Variants in TLN2 observed in about 807,000 individuals in gnomAD.
TLN2 encodes the protein talin-2.
In TLN2, 118 loss-of-function variants were observed where a neutral mutation model predicts 294.7. The ratio of observed to expected loss-of-function variants is 0.40; its 90% CI spans 0.34 to 0.47. The LOEUF is 0.47. Ranked by LOEUF, TLN2 falls within the 20% of genes least tolerant of loss-of-function variation. TLN2 has a pLI of 0.84. For missense variants in TLN2, 3,083 were observed against 3,282.2 expected, an observed-to-expected ratio of 0.94 and a Z score of 1.48; for synonymous variants, 1,431 against 1,304.5, an observed-to-expected ratio of 1.10 and a Z score of -2.09.
intron 9 of TLN2, among the ~76,000 whole-genome samples, chr15:62,667,105 A>G (rs1326318222): frequency 6.6e-6 from 1 of 152,112 alleles, no homozygotes; most frequent in East Asian, 1.9e-4. Context: ...AGCTGGGACT[A>G]CAGGCGCCCA....
intron 24 of TLN2, among the ~76,000 whole-genome samples, 161 bp downstream of exon 24, chr15:62,717,850 C>T (rs1267462131): frequency 6.6e-6 from 1 of 152,176 alleles, no homozygotes; most frequent in Non-Finnish European, 1.5e-5. Context: ...TGGTTTTTGT[C>T]CATTAAGTGG....
chr15:62,835,558 C>G (rs1356267716), intron 55 of TLN2, 179 bp from the exon 56 acceptor site: 7 of 658,670 alleles, frequency 1.1e-5, no homozygotes, highest in Non-Finnish European at 1.9e-5. Context: ...GCTGTGCAAT[C>G]TTTCTTGGCA....
intron 58 of TLN2, 119 bp from the exon 59 acceptor site, chr15:62,840,363 C>A: frequency 7.1e-7 from 1 of 1,413,556 alleles, no homozygotes; most frequent in Non-Finnish European, 9.6e-7. Flanking sequence ...GAAAGCTGTT[C>A]CGGATGTGCT....
chr15:62,480,007 G>A (rs1417873169), intron 1 of TLN2, among the ~76,000 whole-genome samples: 2 of 152,204 alleles, frequency 1.3e-5, no homozygotes, highest in Non-Finnish European at 2.9e-5. Flanking sequence ...GTGATGGTGG[G>A]CCAGTTGGTC....
chr15:62,778,036 T>A (rs1259596510), intron 43 of TLN2, among the ~76,000 whole-genome samples: 1 of 152,212 alleles, frequency 6.6e-6, no homozygotes, highest in Non-Finnish European at 1.5e-5. Context: ...TTAATAAGGT[T>A]TTTCAGGATA....
At chr15:62,572,000 G>C (rs1025180535) in intron 1 of TLN2, among the ~76,000 whole-genome samples, 6 of 152,184 alleles carry the variant, frequency 3.9e-5, no homozygotes, top group Non-Finnish European at 7.4e-5. Context: ...TTGTGCCTTT[G>C]TGTCTGATGT....
chr15:62,617,151 G>A (rs1047427387), intron 2 of TLN2, among the ~76,000 whole-genome samples: 1 of 152,130 alleles, frequency 6.6e-6, no homozygotes, highest in African/African-American at 2.4e-5. Flanking sequence ...GGCATTCTCA[G>A]GAGTGGGGTC....
chr15:62,621,117 G>A (rs544946795), intron 3 of TLN2, among the ~76,000 whole-genome samples: 40 of 152,142 alleles, frequency 2.6e-4, no homozygotes, highest in Non-Finnish European at 5.0e-4. Context: ...GGGATTACAG[G>A]TGTGAGCCAC....
rs535357670 is a variant in TLN2, at chr15:62,503,391, T to C, written c.-237-86296T>C. 1.5e-4 allele frequency among the ~76,000 whole-genome samples: 23 copies of C among 152,298 alleles called. 1 individual carries two copies. Among genetic ancestry groups the C allele is most frequent in the African/African-American group, 5.5e-4 (23 of 41,564 alleles). Reference sequence around the variant, plus strand: ...TGTGTGCTGTGTAATTATTCTACCCTGAGCTCGAATCCTCCACTTCAACTT... The same window carrying C: ...TGTGTGCTGTGTAATTATTCTACCCCGAGCTCGAATCCTCCACTTCAACTT... On this transcript the variant is annotated intron_variant, in intron 1 of 58. Transcript: ENST00000636159.
chr15:62,711,853 G>A, intron 21 of TLN2, 58 bp from the exon 22 acceptor site: 2 of 1,544,300 alleles, frequency 1.3e-6, no homozygotes, highest in East Asian at 2.3e-5. Context: ...GGCTCCTGAG[G>A]TTTTACTGAC....
intron 3 of TLN2, chr15:62,645,152 AT>A (rs1197527292): frequency 6.5e-6 from 1 of 153,414 alleles, no homozygotes; most frequent in Non-Finnish European, 1.5e-5. Context: ...TTTAAATTTT[AT>A]TTCCCCCAAT....
Position 62,770,958 on chromosome 15 carries a change from T to TG in TLN2, c.5197-5dup, listed in dbSNP as rs754163508. 7.7e-5 allele frequency: 121 copies of TG among 1,566,512 alleles called. No individual in the cohort carries two copies. The highest frequency in any genetic ancestry group is 9.9e-5 in the Non-Finnish European group (115 of 1,163,402). ...CATCTCTGGCTTTTTTTTTTTTTTT[T>TG]GAAAGGTGACACAACTGGCAAGCTA... On this transcript the variant is annotated splice_region_variant and splice_polypyrimidine_tract_variant and intron_variant, in intron 41 of 58. Transcript: ENST00000636159.
chr15:62,694,732 G>A (rs1225406054), intron 14 of TLN2, among the ~76,000 whole-genome samples: 2 of 152,220 alleles, frequency 1.3e-5, no homozygotes, highest in East Asian at 3.8e-4. Context: ...GAGGTCAGAG[G>A]ATGAGCCTCT....
intron 10 of TLN2, among the ~76,000 whole-genome samples, chr15:62,674,420 T>C (rs528428028): frequency 2.8e-4 from 43 of 152,286 alleles, no homozygotes; most frequent in Non-Finnish European, 6.0e-4. Context: ...AAAATACAAA[T>C]TTCATGCGTA....
chr15:62,513,013 G>T (rs1435398286), intron 1 of TLN2, among the ~76,000 whole-genome samples: 1 of 152,134 alleles, frequency 6.6e-6, no homozygotes, highest in Non-Finnish European at 1.5e-5. Context: ...ATTTCTTCTA[G>T]TTAGCTTTGA....
chr15:62,840,419 G>A (rs2070515617), intron 58 of TLN2, 63 bp from the exon 59 acceptor site: 1 of 1,594,958 alleles, frequency 6.3e-7, no homozygotes, highest in African/African-American at 1.3e-5. Flanking sequence ...CATGAGCAGT[G>A]GGGTGGGTCG....
In TLN2 at chr15:62,557,760, C is replaced by CT. The variant is rs1386813565; in HGVS notation, c.-237-31926dup. Among the ~76,000 whole-genome samples, 3 of 152,190 alleles carry CT rather than the reference C, an allele frequency of 2.0e-5. No homozygotes were observed. The East Asian group carries it at 5.8e-4, about 29-fold the overall frequency. The stretch of plus-strand genomic sequence containing the variant: ...TTCACTATGTTGGCCAGGCTGGTCT[C>CT]TAACTCCTGACCTCAAGTGATCCAC... On this transcript the variant is annotated intron_variant, in intron 1 of 58. Transcript: ENST00000636159.
intron 1 of TLN2, among the ~76,000 whole-genome samples, chr15:62,535,990 T>C (rs2041329929): frequency 6.6e-6 from 1 of 152,260 alleles, no homozygotes; most frequent in South Asian, 2.1e-4. Context: ...TTTTCACAAA[T>C]GTACTTTTGG....
chr15:62,770,550 T>C (rs1567568067), intron 41 of TLN2, among the ~76,000 whole-genome samples: 1 of 152,226 alleles, frequency 6.6e-6, no homozygotes, highest in African/African-American at 2.4e-5. Flanking sequence ...TACAAAGCTT[T>C]TGAAGGTTTC....
Sources: gnomAD v4.1 joint callset for allele counts (sites outside exome capture counted in the v4.1 genomes callset) on GRCh38, gnomAD v4.1.1 for gene constraint, MANE v1.5 for transcripts, NCBI Gene and HGNC (gene_info 2026-07-23, HGNC 2026-07-21) for gene names.